The following KCNJ16 variants were observed in gnomAD, a reference collection of about 807,000 sequenced individuals.
The protein encoded by KCNJ16 is inward rectifier potassium channel 16.
In KCNJ16, 15 loss-of-function variants were observed where a neutral mutation model predicts 18.5. That is an observed-to-expected ratio of 0.81 (90% CI 0.54 to 1.25). The LOEUF (loss-of-function observed/expected upper bound fraction) is 1.25. Among genes scored for constraint, KCNJ16 ranks in the 50% most tolerant of loss-of-function variants. KCNJ16 has a pLI of 0.00. For synonymous variants in KCNJ16, 174 were observed against 186.5 expected, an observed-to-expected ratio of 0.93 and a Z score of 0.55; for missense variants, 523 against 525.7, an observed-to-expected ratio of 0.99 and a Z score of 0.05.
intron 2 of KCNJ16, among the ~76,000 whole-genome samples, chr17:70,117,564 G>C (rs1055237665): frequency 3.3e-5 from 5 of 152,048 alleles, no homozygotes; most frequent in African/African-American, 1.2e-4. Flanking sequence ...TTATAAGCTG[G>C]TATCTGCAAC....
At chr17:70,081,025 T>C (rs1251748983) in intron 1 of KCNJ16, among the ~76,000 whole-genome samples, 1 of 152,204 alleles carries the variant, frequency 6.6e-6, no homozygotes, top group African/African-American at 2.4e-5. Context: ...GACCTGTTAG[T>C]GTTCTTGTAA....
intron 2 of KCNJ16, among the ~76,000 whole-genome samples, chr17:70,113,054 A>C (rs1275548527): frequency 6.6e-6 from 1 of 152,040 alleles, no homozygotes; most frequent in Non-Finnish European, 1.5e-5. Context: ...ATTTCAAGGG[A>C]ACAAAAAATC....
intron 1 of KCNJ16, among the ~76,000 whole-genome samples, chr17:70,093,264 G>C (rs918063174): frequency 6.6e-6 from 1 of 152,206 alleles, no homozygotes; most frequent in South Asian, 2.1e-4. Context: ...CAGTTCAAGA[G>C]GCTAGAAGTC....
intron 1 of KCNJ16, chr17:70,096,970 T>A (rs929250556): frequency 7.5e-6 from 3 of 398,074 alleles, no homozygotes; most frequent in African/African-American, 6.2e-5. Context: ...TCCTAACATA[T>A]TAAATTTTCT....
At chr17:70,118,220 G>A (rs1460051888) in intron 2 of KCNJ16, among the ~76,000 whole-genome samples, 12 of 150,912 alleles carry the variant, frequency 8.0e-5, no homozygotes, top group Admixed American at 7.9e-4. Context: ...AATAACACAG[G>A]GACACAGAGA....
chr17:70,125,273 GA>G (rs111228932), intron 2 of KCNJ16, among the ~76,000 whole-genome samples: 2,155 of 126,464 alleles, frequency 0.017, 45 homozygotes, highest in African/African-American at 0.05. Context: ...CTGTTTCAAA[GA>G]AAAAAAAAAA....
chr17:70,124,778 C>T (rs962545010), intron 2 of KCNJ16, among the ~76,000 whole-genome samples: 80 of 152,164 alleles, frequency 5.3e-4, no homozygotes, highest in African/African-American at 1.9e-3. Context: ...TTTCTTTAGC[C>T]TGTTAACTTT....
At chr17:70,114,425 GAGA>G (rs1340310177) in intron 2 of KCNJ16, among the ~76,000 whole-genome samples, 2 of 152,112 alleles carry the variant, frequency 1.3e-5, no homozygotes, top group African/African-American at 4.8e-5. Context: ...GCCAAATTTT[GAGA>G]AGGTCAAAAG....
chr17:70,131,112 C>T lies in KCNJ16; in HGVS notation c.-94+137C>T, dbSNP rs2074039809. The T allele has an allele frequency of 2.5e-5, 25 of 1,017,366 alleles. No homozygotes were observed. The East Asian group carries it at 6.6e-4, about 27-fold the overall frequency. 63.0% of individuals were successfully genotyped at this position (1,017,366 alleles called of 1,614,324 possible). On this transcript the variant is annotated intron_variant, in intron 3 of 3. Transcript: ENST00000392671. ...GAGAAGGGTTCAATTGTAGCGTGCT[C>T]CCTTTAAGAGGGAAACGAGATTAGC...
At chr17:70,121,515 T>G (rs747568918) in intron 2 of KCNJ16, among the ~76,000 whole-genome samples, 1 of 152,184 alleles carries the variant, frequency 6.6e-6, no homozygotes, top group Non-Finnish European at 1.5e-5. Context: ...GGAAATACTT[T>G]AGAGAGAGGG....
At chr17:70,131,036 T>C in intron 3 of KCNJ16, 61 bp downstream of exon 3, 1 of 1,467,040 alleles carries the variant, frequency 6.8e-7, no homozygotes, top group Non-Finnish European at 9.2e-7. Flanking sequence ...AGAAAAATTA[T>C]TTTGCCTAAG....
chr17:70,131,809 C>T (rs1260953512), intron 3 of KCNJ16, among the ~76,000 whole-genome samples, 186 bp from the exon 4 acceptor site: 1 of 152,104 alleles, frequency 6.6e-6, no homozygotes, highest in Non-Finnish European at 1.5e-5. Context: ...TCTCTAATTG[C>T]ATATTTTGCC....
chr17:70,088,436 C>T (rs1054259126), intron 1 of KCNJ16, among the ~76,000 whole-genome samples: 6 of 152,168 alleles, frequency 3.9e-5, no homozygotes, highest in Admixed American at 1.3e-4. Flanking sequence ...GCCTGCTGTG[C>T]GGCCCGGTTC....
chr17:70,112,094 T>C (rs1193907460), intron 2 of KCNJ16, among the ~76,000 whole-genome samples: 2 of 152,192 alleles, frequency 1.3e-5, no homozygotes, highest in East Asian at 1.9e-4. Flanking sequence ...TGGCACAGCA[T>C]AGATGATGTG....
At chr17:70,123,420 T>C (rs762768343) in intron 2 of KCNJ16, among the ~76,000 whole-genome samples, 3 of 150,438 alleles carry the variant, frequency 2.0e-5, no homozygotes, top group Non-Finnish European at 4.4e-5. Context: ...CCTCTTCTTA[T>C]TGAGTTAATT....
chr17:70,132,838 G>A lies in KCNJ16; in HGVS notation c.751G>A (p.Val251Ile), dbSNP rs17853151. Residue 251 changes from valine to isoleucine, a missense_variant, in exon 4 of 4, where the codon GTA becomes ATA. Coordinates refer to ENST00000392671, the MANE Select transcript of KCNJ16 (RefSeq NM_170741.4). ...VNDQIILVTP[V>I]TIVHEIDHES... ...CGACCAAATCATCCTGGTCACCCCG[G>A]TAACTATTGTCCATGAAATTGACCA... The A allele has an allele frequency of 1.2e-6, 2 of 1,613,992 alleles. No homozygotes were observed. Among genetic ancestry groups the A allele is most frequent in the Admixed American group, 1.7e-5 (1 of 60,022 alleles).
chr17:70,096,998 C>T, intron 1 of KCNJ16: 1 of 396,862 alleles, frequency 2.5e-6, no homozygotes, highest in Non-Finnish European at 4.4e-6. Flanking sequence ...CTTTTGAACC[C>T]TATTACAATC....
At chr17:70,119,325 A>G (rs1222810438) in intron 2 of KCNJ16, among the ~76,000 whole-genome samples, 1 of 152,164 alleles carries the variant, frequency 6.6e-6, no homozygotes, top group Non-Finnish European at 1.5e-5. Context: ...TGTCTGGAGG[A>G]TGGTGACCCT....
At chr17:70,079,075 G>C (rs551570856) in intron 1 of KCNJ16, among the ~76,000 whole-genome samples, 27 of 152,196 alleles carry the variant, frequency 1.8e-4, no homozygotes, top group African/African-American at 6.3e-4. Context: ...ATACAGGAGA[G>C]CAAGAGGGAG....
Sources: gnomAD v4.1 joint callset for allele counts (sites outside exome capture counted in the v4.1 genomes callset) on GRCh38, gnomAD v4.1.1 for gene constraint, MANE v1.5 for transcripts, NCBI Gene and HGNC (gene_info 2026-07-23, HGNC 2026-07-21) for gene names.